The following IRF2 variants were observed in gnomAD, a reference collection of about 807,000 sequenced individuals.
IRF2 encodes the protein interferon regulatory factor 2.
In IRF2, 15 loss-of-function variants were observed where a neutral mutation model predicts 40.6. That is an observed-to-expected ratio of 0.37 (90% CI 0.25 to 0.57). The LOEUF is 0.57. Among genes scored for constraint, IRF2 ranks in the 20% least tolerant of loss-of-function variants. The pLI is 0.77. For missense variants in IRF2, 317 were observed against 455.7 expected (o/e 0.70, Z 2.77); for synonymous variants, 151 against 165.5 (o/e 0.91, Z 0.67).
At chr4:184,426,917 C>T (rs903880917) in intron 2 of IRF2, among the ~76,000 whole-genome samples, 9 of 152,168 alleles carry the variant, frequency 5.9e-5, no homozygotes, top group African/African-American at 1.9e-4. Flanking sequence ...CCTTGGTTTC[C>T]TTGTCTGTAA....
chr4:184,449,565 G>A (rs904278097), intron 1 of IRF2, among the ~76,000 whole-genome samples: 4 of 152,208 alleles, frequency 2.6e-5, no homozygotes, highest in Non-Finnish European at 5.9e-5. Flanking sequence ...ATGACGGAAG[G>A]AGCTTGCAGC....
At chr4:184,433,221 C>T (rs950252042) in intron 1 of IRF2, among the ~76,000 whole-genome samples, 3 of 152,208 alleles carry the variant, frequency 2.0e-5, no homozygotes, top group Non-Finnish European at 2.9e-5. Flanking sequence ...CCAACTTGAA[C>T]GTGCACAGGA....
At chr4:184,463,705 T>C (rs1353827481) in intron 1 of IRF2, among the ~76,000 whole-genome samples, 1 of 152,160 alleles carries the variant, frequency 6.6e-6, no homozygotes, top group Non-Finnish European at 1.5e-5. Context: ...TCTGAACTCA[T>C]AATGGTCATG....
At chr4:184,423,660 G>A (rs1737562824) in intron 2 of IRF2, among the ~76,000 whole-genome samples, 1 of 152,124 alleles carries the variant, frequency 6.6e-6, no homozygotes, top group African/African-American at 2.4e-5. Context: ...ATGGAGCCAC[G>A]AGAGAAACCA....
chr4:184,450,879 G>C (rs1273475937), intron 1 of IRF2, among the ~76,000 whole-genome samples: 1 of 152,098 alleles, frequency 6.6e-6, no homozygotes, highest in Non-Finnish European at 1.5e-5. Context: ...CCCTATGAAT[G>C]ACATCCACAC....
intron 5 of IRF2, among the ~76,000 whole-genome samples, chr4:184,410,860 C>A (rs3775557): frequency 7.2e-5 from 11 of 152,244 alleles, no homozygotes; most frequent in South Asian, 4.1e-4. Flanking sequence ...CTTGAGAAAA[C>A]GATGACTCAG....
In IRF2 at chr4:184,408,377, A is replaced by G. The variant is rs575753821; in HGVS notation, c.412-102T>C. 17 of 751,812 alleles carry G rather than the reference A, an allele frequency of 2.3e-5. No homozygotes were observed. Among genetic ancestry groups the G allele is most frequent in the Non-Finnish European group, 3.0e-5 (13 of 430,284 alleles). 46.6% of individuals were successfully genotyped at this position (751,812 alleles called of 1,614,324 possible). On this transcript the variant is annotated intron_variant, in intron 5 of 8. Transcript: ENST00000393593. The surrounding 1 kb of genome is among the most constrained non-coding windows in gnomAD (Gnocchi z 4.9). The stretch of plus-strand genomic sequence containing the variant: ...GCCTACTTTCTTTAATGCTAGGGTC[A>G]TTCATGTTCAGCTGCCGAATACATT...
chr4:184,406,231 T>A (rs1736849268), intron 6 of IRF2, among the ~76,000 whole-genome samples: 1 of 139,896 alleles, frequency 7.1e-6, no homozygotes, highest in South Asian at 2.3e-4. Context: ...CTACTTTTTA[T>A]CTTTTTTTTT....
intron 8 of IRF2, 28 bp downstream of exon 8, chr4:184,390,675 A>G (rs1736226276): frequency 3.1e-6 from 5 of 1,613,548 alleles, no homozygotes; most frequent in Non-Finnish European, 4.2e-6. Flanking sequence ...CCTTGGCAGC[A>G]TCGTGGGCAG....
At chr4:184,429,173 T>C in intron 1 of IRF2, 103 bp from the exon 2 acceptor site, 1 of 549,490 alleles carries the variant, frequency 1.8e-6, no homozygotes, top group East Asian at 5.4e-5. Context: ...TCTCCTTTCC[T>C]GGGGCTGGGG....
chr4:184,393,737 C>T (rs1429817172), intron 7 of IRF2, among the ~76,000 whole-genome samples: 1 of 146,364 alleles, frequency 6.8e-6, no homozygotes, highest in Admixed American at 6.7e-5. Flanking sequence ...AAGATGCGCC[C>T]TATTAGGACA....
chr4:184,420,733 A>T (rs530287395), intron 2 of IRF2, among the ~76,000 whole-genome samples: 1 of 152,288 alleles, frequency 6.6e-6, no homozygotes, highest in East Asian at 1.9e-4. Flanking sequence ...TGTGCATCTG[A>T]CTACCCACAT....
chr4:184,389,140 C>T lies in IRF2; in HGVS notation c.742-74G>A, dbSNP rs1436114342. 4.1e-6 allele frequency: 6 copies of T among 1,451,066 alleles called. No homozygotes were observed. In the East Asian group the frequency reaches 6.8e-5, roughly 16 times the overall value. The allele number at this position is 1,451,066 out of a possible 1,614,324, so 89.9% of individuals were successfully genotyped here. A position where few individuals can be genotyped will look rare whatever the true frequency, so the allele number is the denominator to read the frequency against. On this transcript the variant is annotated intron_variant, in intron 8 of 8. Coordinates refer to ENST00000393593, the MANE Select transcript of IRF2 (RefSeq NM_002199.4). ...TGGCTTTTTAAAAATGCATCACTGG[C>T]CAGGTGTGGTGGCTCATGCCTGTAA...
rs201500222 is a variant in IRF2 at position 184,388,791 on chromosome 4, C to T, written c.1017G>A (p.Ser339=). Residue 339 remains serine, a synonymous_variant, in exon 9 of 9, where the codon TCG becomes TCA. Coordinates refer to ENST00000393593, the MANE Select transcript of IRF2 (RefSeq NM_002199.4). This position sits in a 1 kb window ranked among gnomAD's most constrained non-coding sequence, Gnocchi z 4.6. ...TCTTGACGCGGGCCTGGGTGATATC[C>T]GATGTTTTCTTGATGACGCTGGCCC... ...ETRASVIKKT[S]DITQARVKSC 1.2e-5 allele frequency: 20 copies of T among 1,613,208 alleles called. No individual in the cohort carries two copies. Among genetic ancestry groups the T allele is most frequent in the East Asian group, 8.9e-5 (4 of 44,886 alleles).
chr4:184,400,458 C>T (rs1054684288), intron 6 of IRF2, among the ~76,000 whole-genome samples: 8 of 152,106 alleles, frequency 5.3e-5, no homozygotes, highest in African/African-American at 1.9e-4. Flanking sequence ...TGTTTATTCT[C>T]CCCTCTGAAG....
intron 7 of IRF2, among the ~76,000 whole-genome samples, chr4:184,391,544 C>A (rs550858157): frequency 1.3e-5 from 2 of 152,314 alleles, no homozygotes; most frequent in South Asian, 4.1e-4. Flanking sequence ...GGCCCTTAGT[C>A]CAACAACCTG....
At chr4:184,419,239 G>C (rs781113267) in intron 3 of IRF2, among the ~76,000 whole-genome samples, 1 of 152,080 alleles carries the variant, frequency 6.6e-6, no homozygotes, top group Non-Finnish European at 1.5e-5. Flanking sequence ...GAACTTCTTA[G>C]AATACCACAT....
chr4:184,413,904 C>T lies in IRF2; in HGVS notation c.411+4263G>A, dbSNP rs774928770. Reference sequence around the variant, plus strand: ...TCCTGTCTCATCCAGGAAAGACAAACCAACTGTAATCTCCAGGCCTTCATT... The same window carrying T: ...TCCTGTCTCATCCAGGAAAGACAAATCAACTGTAATCTCCAGGCCTTCATT... On this transcript the variant is annotated intron_variant, in intron 5 of 8. Transcript: ENST00000393593. The surrounding 1 kb of genome is among the most constrained non-coding windows in gnomAD (Gnocchi z 4.2). Among the ~76,000 whole-genome samples the T allele has an allele frequency of 6.6e-6, 1 of 152,228 alleles. No homozygotes were observed.
At chr4:184,402,800 G>A (rs1305961791) in intron 6 of IRF2, among the ~76,000 whole-genome samples, 3 of 152,222 alleles carry the variant, frequency 2.0e-5, no homozygotes, top group Non-Finnish European at 4.4e-5. Context: ...TGGGGCCAGG[G>A]AGGAAACGTG....
Sources: allele counts gnomAD v4.1 joint callset (sites outside exome capture counted in the v4.1 genomes callset), GRCh38; gene constraint gnomAD v4.1.1; non-coding constraint Gnocchi (gnomAD v3.1); transcripts MANE v1.5; gene names NCBI Gene and HGNC (gene_info 2026-07-23, HGNC 2026-07-21).